The following ADGRL2 variants were observed in gnomAD, a reference collection of about 807,000 sequenced individuals.
ADGRL2 encodes the protein calcium-independent alpha-latrotoxin receptor 2.
A neutral mutation model predicts 157.4 loss-of-function variants in ADGRL2; 44 were observed. The observed-to-expected ratio is 0.28, with a 90% CI of 0.22 to 0.36. The LOEUF is 0.36. ADGRL2 is among the 10% of genes least tolerant of loss of function. The pLI, the probability that ADGRL2 is intolerant of heterozygous loss-of-function variation, is 1.00. For missense variants in ADGRL2, 1,510 were observed against 1,768.9 expected (o/e 0.85, Z 2.63); for synonymous variants, 585 against 624.7 (o/e 0.94, Z 0.95).
rs138182089 is a variant in ADGRL2, at chr1:81,541,880, C to A, written c.-247-38996C>A. ...GGCTGAGGCAGGAGAATCGCTTGAA[C>A]CCGGGAGGTGGAGTTTGCGGTGAGC... On this transcript the variant is annotated intron_variant, in intron 2 of 24. Coordinates refer to the ADGRL2 transcript ENST00000370721. Among the ~76,000 whole-genome samples the A allele has an allele frequency of 9.0e-3, 1,373 of 152,090 alleles. 24 individuals are homozygous for A. Among genetic ancestry groups the A allele is most frequent in the African/African-American group, 0.031 (1,277 of 41,462 alleles).
Position 81,950,434 on chromosome 1 carries a change from A to T in ADGRL2, c.1456A>T (p.Thr486Ser), listed in dbSNP as rs551874502. 5.0e-6 allele frequency: 8 copies of T among 1,614,044 alleles called. No individual in the cohort carries two copies. The highest frequency in any genetic ancestry group is 5.9e-6 in the Non-Finnish European group (7 of 1,179,930). ...CTCCAAGGGGATAAAGTGGCCTCAG[A>T]CACAAAGGGGAATGATGGTTGAACG... ...LDSKGIKWPQ[T>S]QRGMMVERPC... Residue 486 changes from threonine to serine, a missense_variant, in exon 7 of 24, where the codon ACA (threonine) becomes TCA (serine). Physicochemically the swap from Thr to Ser is moderately conservative, Grantham distance 58. This residue lies in a region of ADGRL2 where 325 missense variants were observed against 333.2 expected (regional missense o/e 0.98). Transcript: ENST00000686636.
intron 2 of ADGRL2, among the ~76,000 whole-genome samples, chr1:81,491,524 T>C (rs759281958): frequency 6.6e-6 from 1 of 152,190 alleles, no homozygotes; most frequent in African/African-American, 2.4e-5. Flanking sequence ...AAGCAAATGT[T>C]AGAAAGAGTT....
At chr1:81,532,968 CTATCATCT>C (rs1000572641) in intron 2 of ADGRL2, among the ~76,000 whole-genome samples, 15 of 149,930 alleles carry the variant, frequency 1.0e-4, no homozygotes, top group African/African-American at 2.7e-4. Context: ...ATCTATCTAT[CTATCATCT>C]ATCTATCTAT....
At chr1:81,418,250 A>G (rs945525937) in intron 1 of ADGRL2, among the ~76,000 whole-genome samples, 13 of 152,240 alleles carry the variant, frequency 8.5e-5, no homozygotes, top group South Asian at 6.2e-4. Flanking sequence ...AAATCGCAAC[A>G]CTATTTTAAA....
At chr1:81,364,539 T>C (rs1278172441) in intron 1 of ADGRL2, among the ~76,000 whole-genome samples, 1 of 152,070 alleles carries the variant, frequency 6.6e-6, no homozygotes, top group Non-Finnish European at 1.5e-5. Flanking sequence ...AGGTTAAAAC[T>C]GCACACTTTA....
chr1:81,667,639 C>T (rs2082779216), intron 3 of ADGRL2, among the ~76,000 whole-genome samples: 1 of 151,946 alleles, frequency 6.6e-6, no homozygotes, highest in Admixed American at 6.6e-5. Flanking sequence ...ATACTAACAC[C>T]ATTTGAAAAA....
chr1:81,926,176 G>A (rs1057004256), intron 3 of ADGRL2, among the ~76,000 whole-genome samples: 1 of 151,974 alleles, frequency 6.6e-6, no homozygotes, highest in African/African-American at 2.4e-5. Flanking sequence ...AAGGATTTGG[G>A]ATGACCAATC....
intron 2 of ADGRL2, among the ~76,000 whole-genome samples, chr1:81,526,708 A>G (rs2079465945): frequency 1.3e-5 from 2 of 152,198 alleles, no homozygotes; most frequent in Admixed American, 6.5e-5. Flanking sequence ...AACAGTTTCT[A>G]CTTATGTAAA....
At chr1:81,949,247 A>G (rs1349264369) in intron 6 of ADGRL2, among the ~76,000 whole-genome samples, 1 of 152,228 alleles carries the variant, frequency 6.6e-6, no homozygotes, top group Non-Finnish European at 1.5e-5. Flanking sequence ...TGGTAGTATT[A>G]AATTTTTACT....
intron 1 of ADGRL2, among the ~76,000 whole-genome samples, chr1:81,740,494 C>A (rs1001764882): frequency 5.3e-5 from 8 of 152,152 alleles, no homozygotes; most frequent in Non-Finnish European, 1.0e-4. Flanking sequence ...TTTAACTTGG[C>A]AACATTTTTG....
Position 81,942,166 on chromosome 1 carries a change from C to G in ADGRL2, c.409+121C>G, listed in dbSNP as rs371100496. The G allele has an allele frequency of 1.3e-4, 62 of 479,138 alleles. No individual in the cohort carries two copies. In the East Asian group the frequency reaches 1.9e-3, roughly 15 times the overall value. The allele number at this position is 479,138 out of a possible 1,614,324, so 29.7% of individuals were successfully genotyped here. On this transcript the variant is annotated intron_variant, in intron 5 of 23. Transcript: ENST00000686636. Reference sequence around the variant, plus strand: ...AATAATCAGCAGGATCTCATAAATGCCACCTCATAAGGAAGTCAACTGTTT... The same window carrying G: ...AATAATCAGCAGGATCTCATAAATGGCACCTCATAAGGAAGTCAACTGTTT...
intron 3 of ADGRL2, among the ~76,000 whole-genome samples, chr1:81,649,836 TC>T (rs1011300564): frequency 3.9e-5 from 6 of 152,088 alleles, no homozygotes. Flanking sequence ...AAGCACTGAC[TC>T]CCGTCAGAAG....
At chr1:81,774,722 AT>A (rs2086509182) in intron 2 of ADGRL2, among the ~76,000 whole-genome samples, 1 of 152,190 alleles carries the variant, frequency 6.6e-6, no homozygotes, top group South Asian at 2.1e-4. Context: ...AATAAATTTA[AT>A]TACACTTTTT....
chr1:81,567,143 A>G (rs2080580805), intron 2 of ADGRL2, among the ~76,000 whole-genome samples: 1 of 152,162 alleles, frequency 6.6e-6, no homozygotes, highest in Non-Finnish European at 1.5e-5. Context: ...AACAGCTAAG[A>G]TAATTGCTGT....
At chr1:81,832,210 C>T (rs1433428543) in intron 1 of ADGRL2, among the ~76,000 whole-genome samples, 2 of 152,134 alleles carry the variant, frequency 1.3e-5, no homozygotes, top group Non-Finnish European at 2.9e-5. Flanking sequence ...GGCACGATCT[C>T]GGCTCACTGC....
chr1:81,481,816 C>G (rs1420517089), intron 2 of ADGRL2, among the ~76,000 whole-genome samples: 1 of 152,162 alleles, frequency 6.6e-6, no homozygotes, highest in Non-Finnish European at 1.5e-5. Flanking sequence ...CCTTGTCATC[C>G]TGCTCCTTAA....
At chr1:81,955,817 T>G in intron 10 of ADGRL2, 60 bp from the exon 11 acceptor site, 1 of 1,083,924 alleles carries the variant, frequency 9.2e-7, no homozygotes, top group African/African-American at 1.6e-5. Context: ...CATCAGCTAC[T>G]GAAAATCACT....
chr1:81,788,866 C>T (rs957406123), intron 2 of ADGRL2, among the ~76,000 whole-genome samples: 4 of 152,106 alleles, frequency 2.6e-5, no homozygotes, highest in African/African-American at 9.7e-5. Context: ...CAGGCATGTG[C>T]CACCAAGCCC....
chr1:81,405,975 A>G lies in ADGRL2; in HGVS notation c.-301-39061A>G, dbSNP rs1335243239. Among the ~76,000 whole-genome samples the G allele has an allele frequency of 5.9e-5, 9 of 152,342 alleles. No homozygotes were observed. In the South Asian group the frequency reaches 1.9e-3, roughly 32 times the overall value. Reference sequence around the variant, plus strand: ...AATTAATCTGAGGTTTCAGGCACATACTTAATCTATTAGTAGAAAGATTTC... The same window carrying G: ...AATTAATCTGAGGTTTCAGGCACATGCTTAATCTATTAGTAGAAAGATTTC... On this transcript the variant is annotated intron_variant, in intron 1 of 24. Transcript: ENST00000370721.
Sources: gnomAD v4.1 joint callset for allele counts (sites outside exome capture counted in the v4.1 genomes callset) on GRCh38, gnomAD v4.1.1 for gene constraint, gnomAD v4.1.1 regional missense constraint, MANE v1.5 for transcripts, NCBI Gene and HGNC (gene_info 2026-07-23, HGNC 2026-07-21) for gene names.